Variants in NUDT12 observed in about 807,000 individuals in gnomAD.
The protein encoded by NUDT12 is nudix hydrolase 12.
A neutral mutation model predicts 45.7 loss-of-function variants in NUDT12; 42 were observed. That is an observed-to-expected ratio of 0.92 (90% CI 0.72 to 1.19). The LOEUF (loss-of-function observed/expected upper bound fraction) is 1.19. Among genes scored for constraint, NUDT12 ranks in the 50% most tolerant of loss-of-function variants. The pLI, the probability that NUDT12 is intolerant of heterozygous loss-of-function variation, is 0.00. For missense variants in NUDT12, 590 were observed against 533.1 expected (o/e 1.11, Z -1.05); for synonymous variants, 206 against 179.7 (o/e 1.15, Z -1.17).
Position 103,549,711 on chromosome 5 carries a change from C to A in NUDT12, c.*1150G>T, listed in dbSNP as rs570074196. The A allele has an allele frequency of 9.9e-5, 15 of 152,138 alleles. No individual in the cohort carries two copies. In the East Asian group the frequency reaches 2.9e-3, roughly 29 times the overall value. 9.4% of individuals were successfully genotyped at this position (152,138 alleles called of 1,614,324 possible). A position where few individuals can be genotyped will look rare whatever the true frequency, so the allele number is the denominator to read the frequency against. ...TACATTAGTAAAGATGCAAATTATA[C>A]AAATTTTGATATTCATAAACTATAA... On this transcript the variant is annotated 3_prime_UTR_variant, in exon 7 of 7. Transcript: ENST00000230792.
chr5:103,557,584 AAAAAC>A (rs58457307), intron 3 of NUDT12, among the ~76,000 whole-genome samples: 2 of 149,956 alleles, frequency 1.3e-5, no homozygotes, highest in Admixed American at 1.3e-4. Flanking sequence ...AGATGCTTTA[AAAAAC>A]AAAACAAAAC....
At chr5:103,558,841 C>T (rs1356402901) in intron 3 of NUDT12, 38 bp downstream of exon 3, 1 of 1,434,146 alleles carries the variant, frequency 7.0e-7, no homozygotes, top group Admixed American at 2.5e-5. Flanking sequence ...AGTCTAAAAA[C>T]CAGATTTTAC....
rs377549517 is a variant in NUDT12 at position 103,552,257 on chromosome 5, T to C, written c.1238A>G (p.Lys413Arg). The C allele has an allele frequency of 7.4e-6, 12 of 1,613,902 alleles. No individual in the cohort carries two copies. Among genetic ancestry groups the C allele is most frequent in the African/African-American group, 1.3e-5 (1 of 75,040 alleles). Residue 413 changes from lysine to arginine, a missense_variant, in exon 6 of 7, where the codon AAG (lysine) becomes AGG (arginine). Lys to Arg is a conservative substitution (Grantham distance 26, BLOSUM62 2). Transcript: ENST00000230792. ...LAVSTEIKVD[K>R]NEIEDARWFT... Reference sequence around the variant, plus strand: ...CCAGCGGGCATCCTCTATTTCATTCTTGTCAACTTTAATTTCTGTAGACAC... The same window carrying C: ...CCAGCGGGCATCCTCTATTTCATTCCTGTCAACTTTAATTTCTGTAGACAC...
chr5:103,560,718 A>G (rs536847246), intron 1 of NUDT12, among the ~76,000 whole-genome samples: 3 of 152,144 alleles, frequency 2.0e-5, no homozygotes, highest in Non-Finnish European at 2.9e-5. Flanking sequence ...TCTAGGATCT[A>G]TTTTTGTTCA....
At position 103,560,043 on chromosome 5, in the gene NUDT12, C is replaced by T; in HGVS notation, c.206G>A (p.Gly69Glu). The T allele has an allele frequency of 6.2e-7, 1 of 1,606,680 alleles. No individual in the cohort carries two copies. Among genetic ancestry groups the T allele is most frequent in the Non-Finnish European group, 8.5e-7 (1 of 1,173,416 alleles). ...AGGTGGTACAGCCTAAAATGTTTACCCTTTCTCAAGCAGAAATTGGACTAT... is the reference window on the plus strand; with the variant it reads ...AGGTGGTACAGCCTAAAATGTTTACTCTTTCTCAAGCAGAAATTGGACTAT... Reference protein sequence around the residue: ...PEIVQFLLEKGCDRSIVNKSR... With the variant: ...PEIVQFLLEKECDRSIVNKSR... The change falls in exon 2 of 7, where the codon GGG becomes GAG. Residue 69 changes from glycine to glutamate, a missense_variant and splice_region_variant. Physicochemically the swap from Gly to Glu is moderately conservative, Grantham distance 98. Coordinates refer to ENST00000230792, the MANE Select transcript of NUDT12 (RefSeq NM_031438.4).
At chr5:103,551,179 G>A (rs947044136) in intron 6 of NUDT12, among the ~76,000 whole-genome samples, 1 of 151,698 alleles carries the variant, frequency 6.6e-6, no homozygotes, top group East Asian at 1.9e-4. Context: ...GAGTTGCAGT[G>A]GTGGGATCAT....
At chr5:103,552,799 CTT>C (rs201211010) in intron 5 of NUDT12, among the ~76,000 whole-genome samples, 2,625 of 152,200 alleles carry the variant, frequency 0.017, 27 homozygotes, top group Middle Eastern at 0.038. Context: ...ACAAATAGCT[CTT>C]TCACACTAAA....
intron 3 of NUDT12, among the ~76,000 whole-genome samples, chr5:103,558,644 G>C (rs1346950991): frequency 6.6e-6 from 1 of 152,090 alleles, no homozygotes; most frequent in African/African-American, 2.4e-5. Context: ...AGAATCAAAT[G>C]AGATCATCAT....
intron 5 of NUDT12, among the ~76,000 whole-genome samples, chr5:103,553,623 T>A (rs1320913742): frequency 1.3e-5 from 2 of 152,100 alleles, no homozygotes; most frequent in East Asian, 3.8e-4. Flanking sequence ...CTACTCTATG[T>A]ATATAACCTA....
At chr5:103,558,746 A>G (rs3734087) in intron 3 of NUDT12, 133 bp downstream of exon 3, 402,356 of 604,188 alleles carry the variant, frequency 0.67, 135,752 homozygotes, top group Middle Eastern at 0.75. Context: ...AACTTTAAGA[A>G]GTTTCTGATG....
At chr5:103,558,730 G>A in intron 3 of NUDT12, 149 bp downstream of exon 3, 1 of 574,520 alleles carries the variant, frequency 1.7e-6, no homozygotes, top group East Asian at 2.9e-5. Flanking sequence ...AGTCCCCTAG[G>A]GTGAGAACTT....
At chr5:103,554,518 T>C (rs1450404107) in intron 5 of NUDT12, 1 of 247,332 alleles carries the variant, frequency 4.0e-6, no homozygotes, top group Non-Finnish European at 7.5e-6. Flanking sequence ...ACTGAATTTT[T>C]AACAAAGCAG....
rs539764339 is a variant in NUDT12, at chr5:103,549,667, G to T, written c.*1194C>A. 2 of 151,788 alleles carry T rather than the reference G, an allele frequency of 1.3e-5. No individual in the cohort carries two copies. Among genetic ancestry groups the T allele is most frequent in the South Asian group, 4.2e-4 (2 of 4,808 alleles). The allele number at this position is 151,788 out of a possible 1,614,324, so 9.4% of individuals were successfully genotyped here. ...GCTAATTTCATATATTATCCTTAAG[G>T]TCTCTTGTAGCTCTAGCATACATTA... On this transcript the variant is annotated 3_prime_UTR_variant, in exon 7 of 7. Coordinates refer to ENST00000230792, the MANE Select transcript of NUDT12 (RefSeq NM_031438.4).
intron 3 of NUDT12, among the ~76,000 whole-genome samples, chr5:103,557,463 T>C (rs1191262299): frequency 6.6e-6 from 1 of 151,762 alleles, no homozygotes; most frequent in Non-Finnish European, 1.5e-5. Flanking sequence ...AGTGACCTAT[T>C]CCTAACTTCC....
rs1431005717 is a variant in NUDT12 at position 103,550,670 on chromosome 5, A to G, written c.*191T>C. ...ACTGACCCAAATTTAACATAATCTG[A>G]GGCAATATTGTAAAAATGTGTAAAA... On this transcript the variant is annotated 3_prime_UTR_variant, in exon 7 of 7. Coordinates refer to ENST00000230792, the MANE Select transcript of NUDT12 (RefSeq NM_031438.4). 4.6e-6 allele frequency: 2 copies of G among 432,556 alleles called. No individual in the cohort carries two copies. 26.8% of individuals were successfully genotyped at this position (432,556 alleles called of 1,614,324 possible). A position where few individuals can be genotyped will look rare whatever the true frequency, so the allele number is the denominator to read the frequency against.
intron 1 of NUDT12, among the ~76,000 whole-genome samples, chr5:103,562,008 C>T (rs1208939409): frequency 6.6e-6 from 1 of 152,114 alleles, no homozygotes; most frequent in Non-Finnish European, 1.5e-5. Context: ...GTCTAACACC[C>T]AATTCTACTG....
intron 1 of NUDT12, among the ~76,000 whole-genome samples, chr5:103,562,247 CAGGACAGGACCTT>C (rs1749055351): frequency 6.6e-6 from 1 of 152,116 alleles, no homozygotes; most frequent in Non-Finnish European, 1.5e-5. Flanking sequence ...CCGAATGGGA[CAGGACAGGACCTT>C]AAATATCGCT....
intron 4 of NUDT12, among the ~76,000 whole-genome samples, chr5:103,555,709 A>G (rs80332944): frequency 2.0e-5 from 3 of 152,174 alleles, no homozygotes; most frequent in African/African-American, 7.2e-5. Flanking sequence ...GTATCATAAC[A>G]TATCAAATTA....
intron 5 of NUDT12, chr5:103,554,381 G>A (rs924906431): frequency 1.3e-5 from 2 of 156,640 alleles, no homozygotes; most frequent in Non-Finnish European, 1.4e-5. Context: ...AGGGTATGGG[G>A]GCTAACTAAT....
Sources: allele counts gnomAD v4.1 joint callset (sites outside exome capture counted in the v4.1 genomes callset), GRCh38; gene constraint gnomAD v4.1.1; transcripts MANE v1.5; gene names NCBI Gene and HGNC (gene_info 2026-07-23, HGNC 2026-07-21).